The following PKHD1L1 variants were observed in gnomAD, a reference collection of about 807,000 sequenced individuals.
PKHD1L1 encodes PKHD1 like 1.
PKHD1L1 carries 434 observed loss-of-function variants against 462.9 expected under a neutral mutation model. The observed-to-expected ratio is 0.94, with a 90% CI of 0.87 to 1.02. The LOEUF is 1.02. Ranked by LOEUF, PKHD1L1 falls within the 50% of genes least tolerant of loss-of-function variation. PKHD1L1 has a pLI of 0.00. For synonymous variants in PKHD1L1, 1,781 were observed against 1,750.0 expected, an observed-to-expected ratio of 1.02 and a Z score of -0.44; for missense variants, 5,202 against 5,096.1, an observed-to-expected ratio of 1.02 and a Z score of -0.63.
At chr8:109,369,613 C>T (rs1811394772) in intron 2 of PKHD1L1, among the ~76,000 whole-genome samples, 1 of 145,220 alleles carries the variant, frequency 6.9e-6, no homozygotes. Flanking sequence ...ATGACATGTA[C>T]CTGATAGGAA....
chr8:109,454,360 G>C (rs1816702828), intron 44 of PKHD1L1, 114 bp downstream of exon 44: 3 of 730,952 alleles, frequency 4.1e-6, no homozygotes, highest in Non-Finnish European at 6.4e-6. Flanking sequence ...GTTTATCTTT[G>C]TTTAGGTCTC....
chr8:109,429,524 T>G, intron 26 of PKHD1L1, 62 bp downstream of exon 26: 1 of 1,474,000 alleles, frequency 6.8e-7, no homozygotes. Flanking sequence ...TAGTTTGTAA[T>G]ATGTTAAAGA....
rs550266195 is a variant in PKHD1L1, at chr8:109,383,451, G to T, written c.418-619G>T. Among the ~76,000 whole-genome samples, 77 of 119,084 alleles carry T rather than the reference G, an allele frequency of 6.5e-4. 1 individual carries two copies. In the South Asian group the frequency reaches 0.017, roughly 27 times the overall value. 78.1% of individuals were successfully genotyped at this position (119,084 alleles called of 152,430 possible). Reference sequence around the variant, plus strand: ...TATATAATATATAAATATATTATAAGTATATATAATATATAAATATATATA... The same window carrying T: ...TATATAATATATAAATATATTATAATTATATATAATATATAAATATATATA... On this transcript the variant is annotated intron_variant, in intron 4 of 77. Transcript: ENST00000378402.
intron 68 of PKHD1L1, 57 bp downstream of exon 68, chr8:109,504,549 C>G: frequency 1.8e-6 from 2 of 1,082,950 alleles, no homozygotes; most frequent in East Asian, 3.2e-5. Context: ...TTCTCACTTC[C>G]TCCTGCTCAA....
chr8:109,459,658 A>C lies in PKHD1L1; in HGVS notation c.7068A>C (p.Ile2356=). 2 of 1,606,714 alleles carry C rather than the reference A, an allele frequency of 1.2e-6. No homozygotes were observed. Among genetic ancestry groups the C allele is most frequent in the Admixed American group, 1.7e-5 (1 of 59,222 alleles). The part of the protein sequence containing the change: ...IASVSADGIN[I]TLSNPLNYTH... Reference sequence around the variant, plus strand: ...CTGTGTCTGCTGATGGCATAAACATAACACTAAGTAACCCACTAAATTACA... The same window carrying C: ...CTGTGTCTGCTGATGGCATAAACATCACACTAAGTAACCCACTAAATTACA... The change falls in exon 47 of 78, where the codon ATA becomes ATC. Residue 2356 remains isoleucine (I), a synonymous_variant. Coordinates refer to ENST00000378402, the MANE Select transcript of PKHD1L1 (RefSeq NM_177531.6).
Position 109,507,793 on chromosome 8 carries a change from G to A in PKHD1L1, c.11125G>A (p.Gly3709Arg), listed in dbSNP as rs199559636. ...VIPQAEYEWD[G>R]NSQVGIGDYR... Reference sequence around the variant, plus strand: ...ACCTCAAGCAGAATATGAATGGGACGGAAACAGCCAAGTAGGAATTGGAGA... The same window carrying A: ...ACCTCAAGCAGAATATGAATGGGACAGAAACAGCCAAGTAGGAATTGGAGA... The change falls in exon 69 of 78, where the codon GGA (glycine) becomes AGA (arginine). Residue 3709 changes from glycine to arginine, a missense_variant. Coordinates refer to ENST00000378402, the MANE Select transcript of PKHD1L1 (RefSeq NM_177531.6). The A allele has an allele frequency of 7.9e-4, 1,277 of 1,613,416 alleles. No homozygotes were observed. The highest frequency in any genetic ancestry group is 1.0e-3 in the Non-Finnish European group (1,217 of 1,179,664).
chr8:109,480,628 G>C (rs1321981312), intron 55 of PKHD1L1: 1 of 455,290 alleles, frequency 2.2e-6, no homozygotes, highest in Non-Finnish European at 4.4e-6. Context: ...AGATGGTCTT[G>C]AACCTGTACC....
chr8:109,367,895 C>T (rs1248626953), intron 2 of PKHD1L1, among the ~76,000 whole-genome samples: 1 of 152,052 alleles, frequency 6.6e-6, no homozygotes, highest in Non-Finnish European at 1.5e-5. Flanking sequence ...GGAGTGAAAC[C>T]CTGCTTTAAA....
chr8:109,477,434 T>C (rs1818048008), intron 53 of PKHD1L1, 38 bp downstream of exon 53: 2 of 1,530,750 alleles, frequency 1.3e-6, no homozygotes, highest in African/African-American at 2.8e-5. Context: ...CTTCAATATC[T>C]CTTAACATAA....
intron 76 of PKHD1L1, among the ~76,000 whole-genome samples, chr8:109,525,477 G>A (rs1175670801): frequency 6.6e-6 from 1 of 152,134 alleles, no homozygotes; most frequent in African/African-American, 2.4e-5. Context: ...ATTTGGGCCA[G>A]GATAGCTCAC....
intron 2 of PKHD1L1, among the ~76,000 whole-genome samples, chr8:109,374,572 G>A (rs1044329755): frequency 6.6e-6 from 1 of 152,194 alleles, no homozygotes; most frequent in Non-Finnish European, 1.5e-5. Context: ...TTGCTGGTTA[G>A]TTGATGCAGT....
chr8:109,387,962 A>C (rs1227300143), intron 6 of PKHD1L1, among the ~76,000 whole-genome samples: 1 of 152,174 alleles, frequency 6.6e-6, no homozygotes, highest in Non-Finnish European at 1.5e-5. Context: ...ATATGAAGGC[A>C]GATGTTTTCC....
At chr8:109,439,177 C>T in intron 32 of PKHD1L1, 85 bp downstream of exon 32, 1 of 1,248,104 alleles carries the variant, frequency 8.0e-7, no homozygotes, top group East Asian at 2.3e-5. Context: ...GGGCATTAAG[C>T]TTTAGGTGTT....
chr8:109,483,221 T>C, intron 57 of PKHD1L1, 116 bp downstream of exon 57: 1 of 726,742 alleles, frequency 1.4e-6, no homozygotes, highest in Admixed American at 4.2e-5. Context: ...AGATGAAAAA[T>C]GTGTATTTTG....
chr8:109,403,901 A>C (rs1036080231), intron 14 of PKHD1L1, among the ~76,000 whole-genome samples: 3 of 152,018 alleles, frequency 2.0e-5, no homozygotes, highest in African/African-American at 7.2e-5. Flanking sequence ...GTAGTTTTGC[A>C]CTCTCTTGTT....
rs1237264971 is a variant in PKHD1L1 at position 109,367,707 on chromosome 8, G to A, written c.163+3071G>A. 4.6e-5 allele frequency among the ~76,000 whole-genome samples: 7 copies of A among 152,184 alleles called. No homozygotes were observed. In the East Asian group the frequency reaches 1.4e-3, roughly 29 times the overall value. On this transcript the variant is annotated intron_variant, in intron 2 of 77. Coordinates refer to ENST00000378402, the MANE Select transcript of PKHD1L1 (RefSeq NM_177531.6). The stretch of plus-strand genomic sequence containing the variant: ...AGACTAGCCTGGGCAACCAGCCTGG[G>A]CAATATAGCAAGACCCTGTCTCTAC...
Position 109,522,769 on chromosome 8 carries a change from CT to C in PKHD1L1, c.12210del (p.Ala4071HisfsTer14). ...IKVTAQPVER[S>X]AFPVHHVAFV... is the part of the protein sequence containing the mutation. ...GTGACTGCCCAGCCAGTTGAAAGGT[CT>C]GCATTTCCTGTTCATCACGTGGCCT... On this transcript the variant is annotated frameshift_variant, in exon 75 of 78. Coordinates refer to ENST00000378402, the MANE Select transcript of PKHD1L1 (RefSeq NM_177531.6). LOFTEE classifies it high-confidence loss of function. 1 of 1,611,396 alleles carries C rather than the reference CT, an allele frequency of 6.2e-7. No homozygotes were observed. The highest frequency in any genetic ancestry group is 8.5e-7 in the Non-Finnish European group (1 of 1,179,280).
intron 39 of PKHD1L1, among the ~76,000 whole-genome samples, chr8:109,449,051 C>G (rs1816332993): frequency 6.6e-6 from 1 of 151,956 alleles, no homozygotes; most frequent in Admixed American, 6.6e-5. Flanking sequence ...CTATGTTTTG[C>G]CTACTCTGAA....
chr8:109,368,947 G>C (rs1342588196), intron 2 of PKHD1L1, among the ~76,000 whole-genome samples: 1 of 152,016 alleles, frequency 6.6e-6, no homozygotes, highest in Non-Finnish European at 1.5e-5. Context: ...TCCAGAGGTG[G>C]TGTTTTTATC....
Sources: allele counts gnomAD v4.1 joint callset (sites outside exome capture counted in the v4.1 genomes callset), GRCh38; gene constraint gnomAD v4.1.1; transcripts MANE v1.5; gene names NCBI Gene and HGNC (gene_info 2026-07-23, HGNC 2026-07-21).